The following PDE10A variants were observed in gnomAD, a reference collection of about 807,000 sequenced individuals.
The protein encoded by PDE10A is phosphodiesterase 10A, also known as cAMP and cAMP-inhibited cGMP 3',5'-cyclic phosphodiesterase 10A.
In PDE10A, 39 loss-of-function variants were observed where a neutral mutation model predicts 97.7. The observed-to-expected ratio is 0.40, with a 90% CI of 0.31 to 0.52. PDE10A has a LOEUF of 0.52. Ranked by LOEUF, PDE10A falls within the 20% of genes least tolerant of loss-of-function variation. PDE10A has a pLI of 0.56. For missense variants in PDE10A, 731 were observed against 1,047.8 expected (o/e 0.70, Z 4.17); for synonymous variants, 371 against 376.8 (o/e 0.98, Z 0.18).
intron 1 of PDE10A, among the ~76,000 whole-genome samples, chr6:165,608,811 G>T (rs1316510235): frequency 1.3e-5 from 2 of 152,206 alleles, no homozygotes; most frequent in African/African-American, 4.8e-5. Flanking sequence ...ATTCTAACTG[G>T]TGTGAGATGA....
At chr6:165,971,188 C>A (rs540015551) in intron 1 of PDE10A, among the ~76,000 whole-genome samples, 2 of 151,538 alleles carry the variant, frequency 1.3e-5, no homozygotes, top group Admixed American at 1.3e-4. Flanking sequence ...TAGTAGAAAT[C>A]GCTATAAAGA....
intron 1 of PDE10A, among the ~76,000 whole-genome samples, chr6:165,657,729 T>G (rs2128429149): frequency 6.6e-6 from 1 of 152,344 alleles, no homozygotes; most frequent in Non-Finnish European, 1.5e-5. Flanking sequence ...TTTCTCAAAA[T>G]TAAAAGTGCA....
chr6:165,690,909 T>A (rs147153277), intron 1 of PDE10A, among the ~76,000 whole-genome samples: 1 of 152,272 alleles, frequency 6.6e-6, no homozygotes, highest in African/African-American at 2.4e-5. Flanking sequence ...GTGGTTGGCA[T>A]CCCTGGTGGG....
intron 6 of PDE10A, among the ~76,000 whole-genome samples, chr6:165,434,170 G>A (rs1019313897): frequency 2.0e-5 from 3 of 151,230 alleles, no homozygotes; most frequent in Non-Finnish European, 2.9e-5. Context: ...TACTTGTAAT[G>A]TACAGATCTT....
At chr6:165,556,360 G>A (rs528548587) in intron 1 of PDE10A, among the ~76,000 whole-genome samples, 1 of 152,280 alleles carries the variant, frequency 6.6e-6, no homozygotes, top group African/African-American at 2.4e-5. Flanking sequence ...AGAATAAGGG[G>A]CCAAGGGTTT....
chr6:165,491,731 C>G (rs929457125), intron 2 of PDE10A, among the ~76,000 whole-genome samples: 2 of 152,012 alleles, frequency 1.3e-5, no homozygotes, highest in African/African-American at 4.8e-5. Flanking sequence ...GAAAAGTCCA[C>G]AGCATTAAGT....
intron 18 of PDE10A, among the ~76,000 whole-genome samples, chr6:165,345,521 A>G (rs1782248713): frequency 6.6e-6 from 1 of 152,226 alleles, no homozygotes; most frequent in African/African-American, 2.4e-5. Context: ...TGGAATGTAG[A>G]ACTGACTGCT....
In PDE10A at chr6:165,396,365, C is replaced by T; in HGVS notation, c.2171G>A (p.Gly724Asp). The change falls in exon 14 of 22, where the codon GGT becomes GAT. Residue 724 changes from glycine (G) to aspartate (D), a missense_variant. By Grantham distance (94) the Gly-to-Asp change is moderately conservative. Around this residue, in one of 8 missense-constraint regions of PDE10A, gnomAD observed 131 missense variants for 187.4 expected, o/e 0.70. Coordinates refer to ENST00000539869, the MANE Select transcript of PDE10A (RefSeq NM_001385079.1). Reference sequence around the variant, plus strand: ...CACGGGAAGGGTGAATTGCATGAGACCTTGCCACTCTTCTGAAGTACAAAT... The same window carrying T: ...CACGGGAAGGGTGAATTGCATGAGATCTTGCCACTCTTCTGAAGTACAAAT... ...HSICTSEEWQ[G>D]LMQFTLPVRL... The T allele has an allele frequency of 6.2e-7, 1 of 1,613,438 alleles. No individual in the cohort carries two copies. Among genetic ancestry groups the T allele is most frequent in the South Asian group, 1.1e-5 (1 of 91,052 alleles).
chr6:165,788,203 G>A (rs1778545878), intron 1 of PDE10A, among the ~76,000 whole-genome samples: 1 of 152,078 alleles, frequency 6.6e-6, no homozygotes, highest in African/African-American at 2.4e-5. Flanking sequence ...TTTGTGTGGT[G>A]AGGTTACATA....
At chr6:165,733,310 TA>T (rs1792485609) in intron 1 of PDE10A, among the ~76,000 whole-genome samples, 1 of 152,240 alleles carries the variant, frequency 6.6e-6, no homozygotes, top group Non-Finnish European at 1.5e-5. Context: ...CATTTTAGAT[TA>T]GAAACAGCCT....
intron 12 of PDE10A, among the ~76,000 whole-genome samples, chr6:165,414,926 G>A (rs186201684): frequency 7.2e-4 from 109 of 152,216 alleles, no homozygotes; most frequent in Non-Finnish European, 1.1e-3. Context: ...CCCTCACTTC[G>A]AGCATTTTTC....
rs1168771487 is a variant in PDE10A, at chr6:165,796,091, C to CTTTTTTTTTTTTTTTT, written c.-615+191422_-615+191437dup. 6.0e-4 allele frequency among the ~76,000 whole-genome samples: 65 copies of CTTTTTTTTTTTTTTTT among 108,802 alleles called. 1 individual carries two copies. The highest frequency in any genetic ancestry group is 8.5e-4 in the East Asian group (3 of 3,536). The allele number at this position is 108,802 out of a possible 152,430, so 71.4% of individuals were successfully genotyped here. A position where few individuals can be genotyped will look rare whatever the true frequency, so the allele number is the denominator to read the frequency against. On this transcript the variant is annotated intron_variant, in intron 1 of 19. Transcript: ENST00000366882. The stretch of plus-strand genomic sequence containing the variant: ...GCACGTCTTTTCTTTTTTTTCTTTT[C>CTTTTTTTTTTTTTTTT]TTTTTTTTTTTTTTTTTTTTTTGAG...
intron 18 of PDE10A, among the ~76,000 whole-genome samples, chr6:165,355,837 C>G (rs1478824439): frequency 6.6e-6 from 1 of 152,076 alleles, no homozygotes; most frequent in Non-Finnish European, 1.5e-5. Context: ...ATACTCTTAC[C>G]AGCAATATAT....
At chr6:165,385,444 G>A (rs1336054771) in intron 17 of PDE10A, among the ~76,000 whole-genome samples, 3 of 152,166 alleles carry the variant, frequency 2.0e-5, no homozygotes, top group African/African-American at 4.8e-5. Context: ...CCACAGGTGT[G>A]CCAGGTGGTG....
chr6:165,719,856 A>G (rs1792121773), intron 1 of PDE10A, among the ~76,000 whole-genome samples: 1 of 152,256 alleles, frequency 6.6e-6, no homozygotes. Flanking sequence ...GTTGTACAAG[A>G]GAGAAAAATG....
At chr6:165,928,948 C>T (rs957474095) in intron 1 of PDE10A, among the ~76,000 whole-genome samples, 1 of 152,128 alleles carries the variant, frequency 6.6e-6, no homozygotes, top group Non-Finnish European at 1.5e-5. Context: ...AGAACTAAAC[C>T]ATGGTGCACG....
At chr6:165,844,363 G>T (rs540201324) in intron 1 of PDE10A, among the ~76,000 whole-genome samples, 5 of 152,192 alleles carry the variant, frequency 3.3e-5, no homozygotes, top group Admixed American at 3.3e-4. Flanking sequence ...CACTCACAGC[G>T]AGCCTTTCTC....
At chr6:165,923,968 G>A (rs1223423210) in intron 1 of PDE10A, among the ~76,000 whole-genome samples, 1 of 152,154 alleles carries the variant, frequency 6.6e-6, no homozygotes, top group Non-Finnish European at 1.5e-5. Context: ...ATTGCTGGAG[G>A]CCAGGGATTC....
intron 1 of PDE10A, among the ~76,000 whole-genome samples, chr6:165,554,581 A>G (rs1376184587): frequency 6.6e-6 from 1 of 152,206 alleles, no homozygotes; most frequent in African/African-American, 2.4e-5. Flanking sequence ...AAATTAGTAC[A>G]ACCCCTATGG....
Sources: allele counts gnomAD v4.1 joint callset (sites outside exome capture counted in the v4.1 genomes callset), GRCh38; gene constraint gnomAD v4.1.1; regional missense constraint gnomAD v4.1.1; transcripts MANE v1.5; gene names NCBI Gene and HGNC (gene_info 2026-07-23, HGNC 2026-07-21).